Variants in ENTPD6 observed in about 807,000 individuals in gnomAD.
ENTPD6 encodes CD39 antigen-like 2.
A neutral mutation model predicts 61.5 loss-of-function variants in ENTPD6; 46 were observed. The observed-to-expected ratio is 0.75, with a 90% CI of 0.59 to 0.96. The LOEUF is 0.96. ENTPD6 is among the 40% of genes least tolerant of loss of function. The probability of loss-of-function intolerance (pLI) is 0.00; values close to 1 mark genes in which losing one functional copy is unlikely to be tolerated. For synonymous variants in ENTPD6, 252 were observed against 255.5 expected (o/e 0.99, Z 0.13); for missense variants, 612 against 629.0 (o/e 0.97, Z 0.29).
chr20:25,214,228 G>A (rs956703007), intron 5 of ENTPD6, among the ~76,000 whole-genome samples: 1 of 152,228 alleles, frequency 6.6e-6, no homozygotes, highest in Non-Finnish European at 1.5e-5. Context: ...TGCAGGAGGA[G>A]GGCACAGGGC....
At chr20:25,209,805 T>A in intron 3 of ENTPD6, 44 bp from the exon 4 acceptor site, 1 of 1,502,202 alleles carries the variant, frequency 6.7e-7, no homozygotes, top group Non-Finnish European at 9.3e-7. Context: ...TGTTCTCCTG[T>A]GTGTATTCAT....
rs2090328857 is a variant in ENTPD6 at position 25,195,885 on chromosome 20, G to T, written c.-16+18G>T. The T allele has an allele frequency of 8.1e-6, 10 of 1,233,802 alleles. No individual in the cohort carries two copies. Among genetic ancestry groups the T allele is most frequent in the Non-Finnish European group, 9.1e-6 (9 of 987,020 alleles). The allele number at this position is 1,233,802 out of a possible 1,614,324, so 76.4% of individuals were successfully genotyped here. A position where few individuals can be genotyped will look rare whatever the true frequency, so the allele number is the denominator to read the frequency against. On this transcript the variant is annotated intron_variant, in intron 1 of 14. Coordinates refer to ENST00000376652, the MANE Select transcript of ENTPD6 (RefSeq NM_001247.5). ...GGTGCATGGTAAGCGGCGGGCCGGG[G>T]CGCTGGCGGGGGCGGCCGGGGATCA...
chr20:25,217,847 C>T (rs955305428), intron 9 of ENTPD6, among the ~76,000 whole-genome samples: 2 of 149,066 alleles, frequency 1.3e-5, no homozygotes, highest in Non-Finnish European at 1.5e-5. Flanking sequence ...TCTCCTTCAT[C>T]CTTTATCTAT....
intron 2 of ENTPD6, 22 bp downstream of exon 2, chr20:25,206,612 G>A (rs747635181): frequency 1.2e-5 from 19 of 1,570,304 alleles, no homozygotes; most frequent in Admixed American, 8.3e-5. Context: ...GCTCTCAGTA[G>A]TTGCCCAAGG....
intron 8 of ENTPD6, among the ~76,000 whole-genome samples, chr20:25,216,973 G>A (rs1360521845): frequency 6.6e-6 from 1 of 152,200 alleles, no homozygotes; most frequent in Non-Finnish European, 1.5e-5. Flanking sequence ...TTGGTCTTTA[G>A]AGGGGTGATA....
At chr20:25,218,167 C>T (rs1401243705) in intron 9 of ENTPD6, among the ~76,000 whole-genome samples, 1 of 152,242 alleles carries the variant, frequency 6.6e-6, no homozygotes, top group Admixed American at 6.5e-5. Context: ...GCTTATTCTG[C>T]TCTACTTTGG....
chr20:25,221,568 C>T (rs961995245), intron 11 of ENTPD6: 11 of 560,620 alleles, frequency 2.0e-5, no homozygotes, highest in Non-Finnish European at 3.2e-5. Flanking sequence ...TCACCAGAAG[C>T]TTCCTCCTGA....
rs1437204120 is a variant in ENTPD6 at position 25,221,245 on chromosome 20, G to A, written c.957G>A (p.Lys319=). ...GVEGQPAKDG[K]ELVSPCLSPS... is the part of the protein sequence containing the mutation. ...TCTCTGTTTCAGCTAAGGATGGAAAGGAGTTGGTCAGCCCTTGCTTGTCTC... is the reference window on the plus strand; with the variant it reads ...TCTCTGTTTCAGCTAAGGATGGAAAAGAGTTGGTCAGCCCTTGCTTGTCTC... The change falls in exon 11 of 15, where the codon AAG becomes AAA. Residue 319 remains lysine (K), a synonymous_variant. Transcript: ENST00000376652. 2 of 1,613,532 alleles carry A rather than the reference G, an allele frequency of 1.2e-6. No homozygotes were observed. The highest frequency in any genetic ancestry group is 1.7e-6 in the Non-Finnish European group (2 of 1,179,492).
chr20:25,224,081 G>T lies in ENTPD6; in HGVS notation c.1187-20G>T, dbSNP rs772792473. 4 of 1,609,322 alleles carry T rather than the reference G, an allele frequency of 2.5e-6. No homozygotes were observed. The highest frequency in any genetic ancestry group is 1.7e-5 in the Admixed American group (1 of 59,522). On this transcript the variant is annotated intron_variant, in intron 12 of 14. Transcript: ENST00000376652. ...CAACCTCACAGTGCTCCTGCAGACT[G>T]GGTGTTGTGTCTCCCACAGATGCGG...
intron 1 of ENTPD6, among the ~76,000 whole-genome samples, chr20:25,201,796 G>C (rs1284650998): frequency 6.6e-6 from 1 of 152,172 alleles, no homozygotes; most frequent in Non-Finnish European, 1.5e-5. Flanking sequence ...GCTTACTGCA[G>C]CCTTGAACTC....
At chr20:25,199,403 C>G (rs746899432) in intron 1 of ENTPD6, among the ~76,000 whole-genome samples, 10 of 152,186 alleles carry the variant, frequency 6.6e-5, no homozygotes, top group Non-Finnish European at 1.2e-4. Flanking sequence ...ATCCCCATCC[C>G]TCACCCCACA....
At chr20:25,213,185 C>G in intron 4 of ENTPD6, 78 bp from the exon 5 acceptor site, 3 of 1,585,002 alleles carry the variant, frequency 1.9e-6, no homozygotes, top group Non-Finnish European at 2.6e-6. Context: ...CCAAAAAAAC[C>G]CAAAAGGGTG....
chr20:25,209,802 C>T, intron 3 of ENTPD6, 47 bp from the exon 4 acceptor site: 2 of 1,492,104 alleles, frequency 1.3e-6, no homozygotes, highest in Non-Finnish European at 1.9e-6. Flanking sequence ...ATGTGTTCTC[C>T]TGTGTGTATT....
In ENTPD6 at chr20:25,200,923, T is replaced by C. The variant is rs1360377065; in HGVS notation, c.-16+5056T>C. On this transcript the variant is annotated intron_variant, in intron 1 of 14. Coordinates refer to ENST00000376652, the MANE Select transcript of ENTPD6 (RefSeq NM_001247.5). ...CAGTTAGGTTGTTTGAGCCCTTTCT[T>C]CTTTTCTAAAGCAAGTGTTTACAGC... is the stretch of plus-strand genomic sequence containing the variant. Among the ~76,000 whole-genome samples, 17 of 152,228 alleles carry C rather than the reference T, an allele frequency of 1.1e-4. 1 individual carries two copies. Among genetic ancestry groups the C allele is most frequent in the Admixed American group, 1.1e-3 (17 of 15,278 alleles).
intron 1 of ENTPD6, among the ~76,000 whole-genome samples, chr20:25,201,971 G>A (rs1027076993): frequency 6.6e-5 from 10 of 152,182 alleles, no homozygotes; most frequent in East Asian, 1.9e-4. Flanking sequence ...TCTCGCCTCC[G>A]CCTCCCAAAC....
In ENTPD6 at chr20:25,195,881, C is replaced by G. The variant is rs112801182; in HGVS notation, c.-16+14C>G. 0.066 allele frequency: 80,962 copies of G among 1,234,246 alleles called. 5,149 individuals carry two copies. The highest frequency in any genetic ancestry group is 0.33 in the African/African-American group (21,133 of 64,400). The allele number at this position is 1,234,246 out of a possible 1,614,324, so 76.5% of individuals were successfully genotyped here. A position where few individuals can be genotyped will look rare whatever the true frequency, so the allele number is the denominator to read the frequency against. ...GCGCGGTGCATGGTAAGCGGCGGGC[C>G]GGGGCGCTGGCGGGGGCGGCCGGGG... is the stretch of plus-strand genomic sequence containing the variant. On this transcript the variant is annotated intron_variant, in intron 1 of 14. Coordinates refer to ENST00000376652, the MANE Select transcript of ENTPD6 (RefSeq NM_001247.5).
In ENTPD6 at chr20:25,209,315, T is replaced by A. The variant is rs952669144; in HGVS notation, c.377-534T>A. On this transcript the variant is annotated intron_variant, in intron 3 of 14. Transcript: ENST00000376652. ...TTAGTAGAGATGGGGTTTCACCATATTCGCCAGGATGGTCTCGAACTCCTG... is the reference window on the plus strand; with the variant it reads ...TTAGTAGAGATGGGGTTTCACCATAATCGCCAGGATGGTCTCGAACTCCTG... Among the ~76,000 whole-genome samples the A allele has an allele frequency of 2.0e-5, 3 of 151,830 alleles. No homozygotes were observed. In the East Asian group the frequency reaches 5.8e-4, roughly 29 times the overall value.
chr20:25,217,932 T>C (rs2092418088), intron 9 of ENTPD6, among the ~76,000 whole-genome samples: 1 of 150,190 alleles, frequency 6.7e-6, no homozygotes, highest in African/African-American at 2.5e-5. Context: ...CTTCATCCTT[T>C]AATGTGTCTA....
At chr20:25,199,689 G>T (rs1187268189) in intron 1 of ENTPD6, among the ~76,000 whole-genome samples, 2 of 152,176 alleles carry the variant, frequency 1.3e-5, no homozygotes, top group Non-Finnish European at 2.9e-5. Context: ...CTGTCTGTGT[G>T]ATTTGACAGC....
Sources: gnomAD v4.1 joint callset for allele counts (sites outside exome capture counted in the v4.1 genomes callset) on GRCh38, gnomAD v4.1.1 for gene constraint, MANE v1.5 for transcripts, NCBI Gene and HGNC (gene_info 2026-07-23, HGNC 2026-07-21) for gene names.